Variants in DTNB observed in about 807,000 individuals in gnomAD.
The protein encoded by DTNB is DTN-B.
In DTNB, 63 loss-of-function variants were observed where a neutral mutation model predicts 90.7. That is an observed-to-expected ratio of 0.69 (90% confidence interval 0.57 to 0.86). DTNB has a LOEUF of 0.86. Among genes scored for constraint, DTNB ranks in the 40% least tolerant of loss-of-function variants. The pLI, the probability that DTNB is intolerant of heterozygous loss-of-function variation, is 0.00. For synonymous variants in DTNB, 277 were observed against 286.7 expected (o/e 0.97, Z 0.34); for missense variants, 744 against 807.1 (o/e 0.92, Z 0.95).
Position 25,606,515 on chromosome 2 carries a change from A to G in DTNB, c.448+721T>C, listed in dbSNP as rs188308375. Among the ~76,000 whole-genome samples, 10 of 152,340 alleles carry G rather than the reference A, an allele frequency of 6.6e-5. No individual in the cohort carries two copies. In the East Asian group the frequency reaches 1.9e-3, roughly 29 times the overall value. On this transcript the variant is annotated intron_variant, in intron 5 of 20. Transcript: ENST00000406818. ...ATGAAGAAAATATCACCTGCTGCTC[A>G]AAGGAATTTTAAGGATTCCATGAGA...
At chr2:25,611,410 T>G (rs916274524) in intron 4 of DTNB, among the ~76,000 whole-genome samples, 8 of 152,180 alleles carry the variant, frequency 5.3e-5, no homozygotes, top group Admixed American at 5.2e-4. Context: ...ACTGATAACA[T>G]TCTAAGGATT....
intron 10 of DTNB, among the ~76,000 whole-genome samples, chr2:25,477,175 T>C (rs1203578872): frequency 6.6e-6 from 1 of 152,220 alleles, no homozygotes; most frequent in African/African-American, 2.4e-5. Flanking sequence ...TACATACTTT[T>C]AAAATATATA....
rs547885787 is a variant in DTNB at position 25,424,420 on chromosome 2, G to A, written c.1554+3115C>T. Among the ~76,000 whole-genome samples, 2 of 152,286 alleles carry A rather than the reference G, an allele frequency of 1.3e-5. No homozygotes were observed. Among genetic ancestry groups the A allele is most frequent in the Admixed American group, 6.5e-5 (1 of 15,298 alleles). ...ACAAGCATCAGCGGTACACTAGAAG[G>A]CCACAGTGGCATGCATGGGGCTTGG... On this transcript the variant is annotated intron_variant, in intron 15 of 20. Transcript: ENST00000406818. The surrounding 1 kb of genome is among the most constrained non-coding windows in gnomAD (Gnocchi z 4.1).
chr2:25,668,911 G>A (rs1040273988), intron 1 of DTNB, among the ~76,000 whole-genome samples: 1 of 151,898 alleles, frequency 6.6e-6, no homozygotes, highest in African/African-American at 2.4e-5. Context: ...AACAAAATGT[G>A]GTATATTCAT....
At chr2:25,556,948 T>G (rs1448002663) in intron 8 of DTNB, among the ~76,000 whole-genome samples, 2 of 152,312 alleles carry the variant, frequency 1.3e-5, no homozygotes, top group Admixed American at 1.3e-4. Flanking sequence ...AAGACATAAC[T>G]GTAAAAGCTT....
At chr2:25,430,452 G>A (rs28369353) in intron 14 of DTNB, among the ~76,000 whole-genome samples, 6 of 151,938 alleles carry the variant, frequency 3.9e-5, no homozygotes, top group South Asian at 4.2e-4. Context: ...AAACAATTAC[G>A]GTATAAGCTG....
chr2:25,634,919 C>CGGAAG (rs1290602850), intron 3 of DTNB, among the ~76,000 whole-genome samples: 1 of 118,508 alleles, frequency 8.4e-6, no homozygotes, highest in African/African-American at 2.7e-5. Context: ...ACAAACACTG[C>CGGAAG]GGAAGGCCGC....
At chr2:25,620,231 T>C (rs757610048) in intron 4 of DTNB, among the ~76,000 whole-genome samples, 2 of 151,062 alleles carry the variant, frequency 1.3e-5, no homozygotes, top group East Asian at 2.0e-4. Flanking sequence ...TAATTAGAGG[T>C]TGGTGTGGGC....
At chr2:25,575,229 T>TAC (rs1193483154) in intron 8 of DTNB, among the ~76,000 whole-genome samples, 3,076 of 147,962 alleles carry the variant, frequency 0.021, 101 homozygotes, top group African/African-American at 0.072. Context: ...AATTAGACTC[T>TAC]ACACACACAC....
chr2:25,415,204 T>C (rs1390117786), intron 16 of DTNB, among the ~76,000 whole-genome samples: 2 of 151,728 alleles, frequency 1.3e-5, no homozygotes, highest in Admixed American at 6.6e-5. Flanking sequence ...ATAACCAATA[T>C]ATATTTGGTC....
At chr2:25,419,287 A>T in intron 16 of DTNB, 1 of 631,988 alleles carries the variant, frequency 1.6e-6, no homozygotes, top group Non-Finnish European at 2.8e-6. Context: ...CGCACAACAG[A>T]TGGGTACTTA....
At chr2:25,648,178 T>C (rs2079942720) in intron 2 of DTNB, among the ~76,000 whole-genome samples, 1 of 152,248 alleles carries the variant, frequency 6.6e-6, no homozygotes, top group Non-Finnish European at 1.5e-5. Context: ...ACCTGTCACC[T>C]TTCACTTTTC....
At chr2:25,592,453 T>C (rs1188988132) in intron 6 of DTNB, among the ~76,000 whole-genome samples, 4 of 152,202 alleles carry the variant, frequency 2.6e-5, no homozygotes, top group African/African-American at 9.7e-5. Context: ...GTATTTAATT[T>C]TAGCTATCCT....
intron 9 of DTNB, among the ~76,000 whole-genome samples, chr2:25,494,826 T>A (rs1017892134): frequency 1.3e-5 from 2 of 151,628 alleles, no homozygotes; most frequent in African/African-American, 4.9e-5. Context: ...GCAGGCCCCA[T>A]GCTATGACTG....
At chr2:25,654,294 C>T (rs1306464006) in intron 1 of DTNB, among the ~76,000 whole-genome samples, 1 of 152,192 alleles carries the variant, frequency 6.6e-6, no homozygotes, top group Non-Finnish European at 1.5e-5. Context: ...TGGTTCTCAA[C>T]CAGGGACAAT....
chr2:25,461,948 G>A (rs754586712), intron 10 of DTNB, among the ~76,000 whole-genome samples: 2 of 152,158 alleles, frequency 1.3e-5, no homozygotes, highest in Admixed American at 1.3e-4. Context: ...GTGAGGCTCC[G>A]TGATCGGCAC....
chr2:25,389,778 G>A (rs1419621021), intron 16 of DTNB, among the ~76,000 whole-genome samples: 1 of 152,084 alleles, frequency 6.6e-6, no homozygotes, highest in Non-Finnish European at 1.5e-5. Flanking sequence ...CCACCGCAGT[G>A]CTTCAACCGT....
rs548057257 is a variant in DTNB, at chr2:25,568,115, G to A, written c.876+8723C>T. Among the ~76,000 whole-genome samples, 7 of 150,550 alleles carry A rather than the reference G, an allele frequency of 4.6e-5. No individual in the cohort carries two copies. The East Asian group carries it at 7.9e-4, about 17-fold the overall frequency. On this transcript the variant is annotated intron_variant, in intron 8 of 20. Transcript: ENST00000406818. ...AGAGGTTGCAGTGAGCCAAGATCAC[G>A]CCACTGCACTCCAGCCTGGCGACAC...
At chr2:25,507,778 C>A (rs1180498360) in intron 9 of DTNB, among the ~76,000 whole-genome samples, 2 of 152,202 alleles carry the variant, frequency 1.3e-5, no homozygotes, top group Non-Finnish European at 2.9e-5. Context: ...TTAGTCCTTA[C>A]AATGGCATAT....
Sources: allele counts gnomAD v4.1 joint callset (sites outside exome capture counted in the v4.1 genomes callset), GRCh38; gene constraint gnomAD v4.1.1; non-coding constraint Gnocchi (gnomAD v3.1); transcripts MANE v1.5; gene names NCBI Gene and HGNC (gene_info 2026-07-23, HGNC 2026-07-21).